PTCSC3: variants seen among roughly 807,000 people sequenced by gnomAD.
PTCSC3 encodes the protein papillary thyroid carcinoma susceptibility candidate 3 (non-protein coding).
At chr14:36,151,531 C>T (rs1276626559) in intron 3 of PTCSC3, among the ~76,000 whole-genome samples, 2 of 152,098 alleles carry the variant, frequency 1.3e-5, no homozygotes, top group Admixed American at 6.6e-5. Flanking sequence ...TTTGTCTTGT[C>T]CCACAGTTCT....
intron 1 of PTCSC3, among the ~76,000 whole-genome samples, chr14:36,172,197 TG>T (rs1172042990): frequency 2.0e-5 from 3 of 152,158 alleles, no homozygotes; most frequent in Non-Finnish European, 4.4e-5. Context: ...GGGTTGGACA[TG>T]TAAATATATT....
chr14:36,176,684 G>T (rs139658130), upstream of PTCSC3, among the ~76,000 whole-genome samples: 23 of 152,216 alleles, frequency 1.5e-4, no homozygotes, highest in African/African-American at 5.1e-4. Context: ...ATTTCTGCTG[G>T]ATAAGCTATT....
chr14:36,157,740 G>T (rs936901485), intron 2 of PTCSC3, among the ~76,000 whole-genome samples: 1 of 152,020 alleles, frequency 6.6e-6, no homozygotes, highest in African/African-American at 2.4e-5. Flanking sequence ...GCTATAATGG[G>T]CTCTTTTTTT....
chr14:36,149,071 C>G (rs1433686606), intron 3 of PTCSC3, among the ~76,000 whole-genome samples: 1 of 151,830 alleles, frequency 6.6e-6, no homozygotes. Context: ...CTCTAGTTAT[C>G]TAATGTGTAG....
At chr14:36,148,829 C>A (rs181223188) in intron 3 of PTCSC3, among the ~76,000 whole-genome samples, 1 of 152,112 alleles carries the variant, frequency 6.6e-6, no homozygotes, top group Non-Finnish European at 1.5e-5. Flanking sequence ...TTAAAATAGT[C>A]TTTATTATCC....
At chr14:36,174,210 T>C (rs1195607553) in intron 1 of PTCSC3, among the ~76,000 whole-genome samples, 5 of 152,100 alleles carry the variant, frequency 3.3e-5, no homozygotes, top group African/African-American at 1.2e-4. Flanking sequence ...TAGGACTCAA[T>C]TACCTGTAAG....
intron 1 of PTCSC3, among the ~76,000 whole-genome samples, chr14:36,166,237 G>A (rs76699456): frequency 0.038 from 5,715 of 152,214 alleles, 175 homozygotes; most frequent in Admixed American, 0.096. Context: ...TTGCTCACAC[G>A]CTTCCTCTGT....
chr14:36,135,035 C>A (rs998560247), downstream of PTCSC3, among the ~76,000 whole-genome samples: 2 of 152,200 alleles, frequency 1.3e-5, no homozygotes, highest in African/African-American at 4.8e-5. Context: ...AGAAGAAGTA[C>A]AGTCCATTTC....
chr14:36,140,256 C>T (rs1881389063), intron 3 of PTCSC3, among the ~76,000 whole-genome samples: 1 of 152,156 alleles, frequency 6.6e-6, no homozygotes, highest in African/African-American at 2.4e-5. Context: ...ATCTTAGTTG[C>T]TTTCCATTTG....
At chr14:36,142,383 C>T (rs115852425) in intron 3 of PTCSC3, among the ~76,000 whole-genome samples, 3,009 of 152,158 alleles carry the variant, frequency 0.02, 98 homozygotes, top group African/African-American at 0.069. Context: ...TTGATTTCCT[C>T]GTATTTTGTT....
At chr14:36,146,606 C>G (rs2139093214) in intron 3 of PTCSC3, among the ~76,000 whole-genome samples, 1 of 152,350 alleles carries the variant, frequency 6.6e-6, no homozygotes, top group East Asian at 1.9e-4. Flanking sequence ...TGGGTCTTGA[C>G]TCTTTATCCA....
intron 3 of PTCSC3, among the ~76,000 whole-genome samples, chr14:36,142,918 T>C (rs573772215): frequency 6.6e-6 from 1 of 151,768 alleles, no homozygotes; most frequent in East Asian, 1.9e-4. Flanking sequence ...TCTGGTTTTT[T>C]GTTATTGCGA....
At chr14:36,168,372 T>C (rs949448959) in intron 1 of PTCSC3, among the ~76,000 whole-genome samples, 5 of 39,374 alleles carry the variant, frequency 1.3e-4, no homozygotes, top group East Asian at 7.4e-4. Context: ...TATATATATA[T>C]ATATATATAT....
intron 3 of PTCSC3, among the ~76,000 whole-genome samples, chr14:36,139,119 T>TAAAA (rs370864635): frequency 1.4e-3 from 148 of 106,568 alleles, no homozygotes; most frequent in Non-Finnish European, 1.8e-3. Context: ...ATCTCAAAAA[T>TAAAA]AAAAAAAAAA....
intron 3 of PTCSC3, among the ~76,000 whole-genome samples, chr14:36,147,161 G>A (rs10144020): frequency 0.57 from 86,000 of 150,904 alleles, 25,467 homozygotes; most frequent in Non-Finnish European, 0.66. Flanking sequence ...TCTTCTGGAG[G>A]AGTATCTTTG....
intron 1 of PTCSC3, among the ~76,000 whole-genome samples, chr14:36,170,263 T>C (rs1882167875): frequency 6.6e-6 from 1 of 152,086 alleles, no homozygotes; most frequent in African/African-American, 2.4e-5. Context: ...TTACCTTCTT[T>C]CCTGTGAAAG....
chr14:36,165,097 G>A (rs560798787), intron 1 of PTCSC3: 2 of 152,360 alleles, frequency 1.3e-5, no homozygotes, highest in Admixed American at 6.5e-5. Flanking sequence ...CAGCTGACGA[G>A]TGAATATTCT....
intron 2 of PTCSC3, among the ~76,000 whole-genome samples, chr14:36,161,088 T>G (rs533797611): frequency 6.6e-6 from 1 of 152,348 alleles, no homozygotes; most frequent in South Asian, 2.1e-4. Context: ...TATGTTCTTC[T>G]CTAAACTGGT....
At chr14:36,167,172 A>G (rs1882106380) in intron 1 of PTCSC3, among the ~76,000 whole-genome samples, 1 of 152,200 alleles carries the variant, frequency 6.6e-6, no homozygotes, top group Non-Finnish European at 1.5e-5. Flanking sequence ...TTATTTCAGT[A>G]CTTTTTCTCC....
Sources: gnomAD v4.1 joint callset for allele counts (sites outside exome capture counted in the v4.1 genomes callset) on GRCh38, gnomAD v4.1.1 for gene constraint, MANE v1.5 for transcripts, NCBI Gene and HGNC (gene_info 2026-07-23, HGNC 2026-07-21) for gene names.